Variants in CNTN4 observed in about 807,000 individuals in gnomAD.
CNTN4 encodes the protein contactin-4.
A neutral mutation model predicts 122.5 loss-of-function variants in CNTN4; 77 were observed. That is an observed-to-expected ratio of 0.63 (90% CI 0.52 to 0.76). The LOEUF is 0.76. Ranked by LOEUF, CNTN4 falls within the 30% of genes least tolerant of loss-of-function variation. CNTN4 has a pLI of 0.00. For synonymous variants in CNTN4, 512 were observed against 447.0 expected (o/e 1.15, Z -1.83); for missense variants, 1,256 against 1,259.1 (o/e 1.00, Z 0.04).
At chr3:2,268,009 T>C (rs1052786047) in intron 2 of CNTN4, among the ~76,000 whole-genome samples, 3 of 152,134 alleles carry the variant, frequency 2.0e-5, no homozygotes, top group Non-Finnish European at 4.4e-5. Flanking sequence ...GTGTGGTTCA[T>C]AGGAATTGAT....
chr3:2,807,997 C>G lies in CNTN4; in HGVS notation c.359-11489C>G, dbSNP rs371247360. 2.3e-3 allele frequency among the ~76,000 whole-genome samples: 355 copies of G among 152,290 alleles called. 3 individuals carry two copies. The highest frequency in any genetic ancestry group is 8.3e-3 in the African/African-American group (345 of 41,572). ...GAGTAGGAAGTGAGAAACTGCGCCT[C>G]TTTCCTGAGACATCGTATCCACTAC... On this transcript the variant is annotated intron_variant, in intron 6 of 24. Transcript: ENST00000418658.
At chr3:2,666,530 G>A (rs1324629466) in intron 4 of CNTN4, among the ~76,000 whole-genome samples, 7 of 152,180 alleles carry the variant, frequency 4.6e-5, no homozygotes, top group Non-Finnish European at 8.8e-5. Context: ...ATCTATGTTA[G>A]CTTTTTCTTC....
intron 4 of CNTN4, among the ~76,000 whole-genome samples, chr3:2,653,832 T>C (rs1396295004): frequency 2.0e-5 from 3 of 152,220 alleles, no homozygotes; most frequent in Admixed American, 6.5e-5. Flanking sequence ...CTTTCTCTTC[T>C]GTTAGGATCA....
chr3:2,399,011 A>G (rs1175539647), intron 3 of CNTN4, among the ~76,000 whole-genome samples: 1 of 152,168 alleles, frequency 6.6e-6, no homozygotes, highest in African/African-American at 2.4e-5. Flanking sequence ...TAACTTAGGA[A>G]TCAGACAGCA....
intron 13 of CNTN4, among the ~76,000 whole-genome samples, chr3:2,958,220 A>T (rs71311728): frequency 0.1 from 15,607 of 152,214 alleles, 1,207 homozygotes; most frequent in East Asian, 0.41. Flanking sequence ...ACACTGGTTT[A>T]TGAGGAAAGA....
chr3:2,382,198 C>G (rs1311709667), intron 3 of CNTN4, among the ~76,000 whole-genome samples: 2 of 144,258 alleles, frequency 1.4e-5, no homozygotes, highest in African/African-American at 5.2e-5. Context: ...GAGATGGAGT[C>G]TTGCTCTGTC....
chr3:2,858,668 C>T (rs745967539), intron 7 of CNTN4, among the ~76,000 whole-genome samples: 2 of 150,676 alleles, frequency 1.3e-5, no homozygotes, highest in Admixed American at 1.3e-4. Flanking sequence ...GGCTGCACCC[C>T]GGCACTCCAG....
chr3:2,126,124 C>T (rs1255530717), intron 2 of CNTN4, among the ~76,000 whole-genome samples: 2 of 152,148 alleles, frequency 1.3e-5, no homozygotes, highest in African/African-American at 2.4e-5. Flanking sequence ...AAACAATTAA[C>T]TGTCTTTACA....
chr3:2,180,805 G>A (rs1256621628), intron 2 of CNTN4, among the ~76,000 whole-genome samples: 1 of 152,106 alleles, frequency 6.6e-6, no homozygotes, highest in African/African-American at 2.4e-5. Flanking sequence ...CCATCTGATT[G>A]TAGTTACAGA....
At chr3:2,433,525 A>T (rs1410005995) in intron 3 of CNTN4, among the ~76,000 whole-genome samples, 1 of 152,106 alleles carries the variant, frequency 6.6e-6, no homozygotes, top group South Asian at 2.1e-4. Flanking sequence ...TTTGGATATT[A>T]GCCCTTTATT....
At chr3:2,865,067 C>T (rs1444687230) in intron 7 of CNTN4, among the ~76,000 whole-genome samples, 15 of 152,094 alleles carry the variant, frequency 9.9e-5, no homozygotes, top group Admixed American at 9.8e-4. Flanking sequence ...CTTTTCCTCC[C>T]CCAGATTTTA....
chr3:2,717,363 G>A (rs2087559326), intron 4 of CNTN4, among the ~76,000 whole-genome samples: 1 of 152,096 alleles, frequency 6.6e-6, no homozygotes, highest in Non-Finnish European at 1.5e-5. Flanking sequence ...TACATGACCA[G>A]CCCCCAGTGA....
chr3:2,946,693 C>CTTTTTT (rs1553703098), intron 13 of CNTN4, among the ~76,000 whole-genome samples: 1 of 127,766 alleles, frequency 7.8e-6, no homozygotes, highest in Non-Finnish European at 1.7e-5. Context: ...AGACAGCTTG[C>CTTTTTT]TTTTTTTTTT....
At chr3:2,707,955 G>A (rs1379097511) in intron 4 of CNTN4, among the ~76,000 whole-genome samples, 1 of 152,140 alleles carries the variant, frequency 6.6e-6, no homozygotes. Context: ...ATTATAATAT[G>A]TTACTATTAC....
intron 10 of CNTN4, 45 bp from the exon 11 acceptor site, chr3:2,900,640 T>G: frequency 6.2e-7 from 1 of 1,600,318 alleles, no homozygotes; most frequent in Non-Finnish European, 8.6e-7. Flanking sequence ...ATAGATTGAG[T>G]ACACACTGAA....
At chr3:2,561,846 T>C (rs973329430) in intron 3 of CNTN4, among the ~76,000 whole-genome samples, 2 of 152,142 alleles carry the variant, frequency 1.3e-5, no homozygotes, top group African/African-American at 4.8e-5. Context: ...CCTGTATTGA[T>C]TTTGTCATGT....
rs2094353114 is a variant in CNTN4, at chr3:2,916,275, C to T, written c.1208-9354C>T. ...AGGGGGATTTGGCAGGGTCATAGGA[C>T]AATAGTGGAGGGAAGGTCAGCAGAT... On this transcript the variant is annotated intron_variant, in intron 12 of 24. Coordinates refer to ENST00000418658, the MANE Select transcript of CNTN4 (RefSeq NM_175607.3). 3.3e-5 allele frequency among the ~76,000 whole-genome samples: 5 copies of T among 150,710 alleles called. No homozygotes were observed. The South Asian group carries it at 8.5e-4, about 26-fold the overall frequency.
At chr3:2,867,784 C>T (rs947665499) in intron 8 of CNTN4, among the ~76,000 whole-genome samples, 4 of 151,956 alleles carry the variant, frequency 2.6e-5, no homozygotes, top group Non-Finnish European at 4.4e-5. Context: ...TACGACCATA[C>T]CCCAAAAGAT....
chr3:2,397,992 G>A (rs1336906887), intron 3 of CNTN4, among the ~76,000 whole-genome samples: 1 of 152,110 alleles, frequency 6.6e-6, no homozygotes, highest in Non-Finnish European at 1.5e-5. Context: ...AAAATGGCTT[G>A]AGTGATAAAA....
Sources: gnomAD v4.1 joint callset for allele counts (sites outside exome capture counted in the v4.1 genomes callset) on GRCh38, gnomAD v4.1.1 for gene constraint, MANE v1.5 for transcripts, NCBI Gene and HGNC (gene_info 2026-07-23, HGNC 2026-07-21) for gene names.